The following IQGAP3 variants were observed in gnomAD, a reference collection of about 807,000 sequenced individuals.
The protein encoded by IQGAP3 is IQ motif containing GTPase activating protein 3.
A neutral mutation model predicts 208.2 loss-of-function variants in IQGAP3; 165 were observed. The ratio of observed to expected loss-of-function variants is 0.79; its 90% CI spans 0.70 to 0.90. The LOEUF (loss-of-function observed/expected upper bound fraction) is 0.90, where lower values mean the gene tolerates loss of function less well. IQGAP3 is among the 40% of genes least tolerant of loss of function. The pLI is 0.00. For missense variants in IQGAP3, 1,811 were observed against 2,043.1 expected, an observed-to-expected ratio of 0.89 and a Z score of 2.19; for synonymous variants, 703 against 803.6, an observed-to-expected ratio of 0.87 and a Z score of 2.12.
At chr1:156,557,916 C>T (rs1312122170) in intron 11 of IQGAP3, among the ~76,000 whole-genome samples, 1 of 8,462 alleles carries the variant, frequency 1.2e-4, no homozygotes, top group Non-Finnish European at 3.8e-4. Context: ...CCGCCCCGTC[C>T]GGGAGGGAGG....
chr1:156,563,254 GGT>G lies in IQGAP3; in HGVS notation c.676_677del (p.Thr226ProfsTer41). ...EAVERGVVED[T>X]LAALQNPSAL... ...CACTGGGATTCTGCAAGGCAGCCAG[GGT>G]GTCCTCCACCACCCCTCGCTCCACT... On this transcript the variant is annotated frameshift_variant, in exon 8 of 38. Transcript: ENST00000361170. LOFTEE classifies it high-confidence loss of function. The G allele has an allele frequency of 1.2e-6, 2 of 1,612,600 alleles. No homozygotes were observed. Among genetic ancestry groups the G allele is most frequent in the Non-Finnish European group, 8.5e-7 (1 of 1,178,802 alleles).
In IQGAP3 at chr1:156,528,034, G is replaced by C. The variant is rs561559322; in HGVS notation, c.4700C>G (p.Thr1567Arg). 2 of 1,613,910 alleles carry C rather than the reference G, an allele frequency of 1.2e-6. No homozygotes were observed. Among genetic ancestry groups the C allele is most frequent in the Admixed American group, 3.3e-5 (2 of 59,986 alleles). Reference sequence around the variant, plus strand: ...AAACTTTCCTGCCTCATCTCCCGGCGTGATGTCAAAGATGACGTTTCTGAA... The same window carrying C: ...AAACTTTCCTGCCTCATCTCCCGGCCTGATGTCAAAGATGACGTTTCTGAA... ...SHFRNVIFDI[T>R]PGDEAGKFEV... is the part of the protein sequence containing the mutation. Residue 1567 changes from threonine (T) to arginine (R), a missense_variant, in exon 37 of 38, where the codon ACG (threonine) becomes AGG (arginine). Thr to Arg is a moderately conservative substitution (Grantham distance 71). Transcript: ENST00000361170.
chr1:156,547,995 T>C, intron 19 of IQGAP3, 78 bp downstream of exon 19: 1 of 1,319,356 alleles, frequency 7.6e-7, no homozygotes, highest in Non-Finnish European at 1.0e-6. Flanking sequence ...CCCATGTCAG[T>C]AAAAAGGAAG....
In IQGAP3 at chr1:156,526,535, T is replaced by A; in HGVS notation, c.4847A>T (p.Asn1616Ile). Residue 1616 changes from asparagine to isoleucine, a missense_variant, in exon 38 of 38, where the codon AAT (asparagine) becomes ATT (isoleucine). By Grantham distance (149) the Asn-to-Ile change is moderately radical. Coordinates refer to ENST00000361170, the MANE Select transcript of IQGAP3 (RefSeq NM_178229.5). The stretch of plus-strand genomic sequence containing the variant: ...GAGGAGGAAGATGAGAAGGTTGACA[T>A]TGACTTTGGCCTTGTTGAAGAGTTT... ...VMKLFNKAKV[N>I]VNLLIFLLNK... The A allele has an allele frequency of 1.2e-6, 2 of 1,614,230 alleles. No individual in the cohort carries two copies. Among genetic ancestry groups the A allele is most frequent in the Non-Finnish European group, 1.7e-6 (2 of 1,180,038 alleles).
intron 27 of IQGAP3, among the ~76,000 whole-genome samples, chr1:156,536,642 AAAG>A (rs1384552916): frequency 6.6e-6 from 1 of 152,226 alleles, no homozygotes; most frequent in African/African-American, 2.4e-5. Context: ...TTCTCACCAA[AAAG>A]AAATAAATGT....
intron 29 of IQGAP3, 58 bp downstream of exon 29, chr1:156,534,443 G>C: frequency 1.6e-6 from 2 of 1,267,768 alleles, no homozygotes; most frequent in South Asian, 2.9e-5. Context: ...GGGGACAAGT[G>C]GGATGTCAAA....
intron 13 of IQGAP3, among the ~76,000 whole-genome samples, chr1:156,552,573 A>G (rs1244614636): frequency 2.0e-5 from 3 of 152,138 alleles, no homozygotes; most frequent in African/African-American, 7.2e-5. Context: ...CTTCTACCCC[A>G]TATCTATTAT....
At chr1:156,535,319 G>T in intron 27 of IQGAP3, 72 bp from the exon 28 acceptor site, 1 of 1,066,934 alleles carries the variant, frequency 9.4e-7, no homozygotes, top group Non-Finnish European at 1.4e-6. Flanking sequence ...AAGAGCTTGA[G>T]TGCCTGGCTG....
At position 156,537,253 on chromosome 1, in the gene IQGAP3, A is replaced by G; in HGVS notation, c.3350T>C (p.Ile1117Thr). 6.2e-7 allele frequency: 1 copy of G among 1,614,038 alleles called. No homozygotes were observed. The change falls in exon 27 of 38, where the codon ATC (isoleucine) becomes ACC (threonine). Residue 1117 changes from isoleucine (I) to threonine (T), a missense_variant. Coordinates refer to ENST00000361170, the MANE Select transcript of IQGAP3 (RefSeq NM_178229.5). ...SHPEVQRRLD[I>T]ALRNLLAMTD... ...CATGGCGAGGAGGTTGCGTAGGGCGATGTCCAGTCGTCTCTGGACCTCGGG... is the reference window on the plus strand; with the variant it reads ...CATGGCGAGGAGGTTGCGTAGGGCGGTGTCCAGTCGTCTCTGGACCTCGGG...
chr1:156,551,784 G>C lies in IQGAP3; in HGVS notation c.1655C>G (p.Ala552Gly). 1.9e-6 allele frequency: 3 copies of C among 1,614,094 alleles called. No homozygotes were observed. Among genetic ancestry groups the C allele is most frequent in the Non-Finnish European group, 2.5e-6 (3 of 1,180,016 alleles). Residue 552 changes from alanine to glycine, a missense_variant, in exon 15 of 38, where the codon GCT becomes GGT. By Grantham distance (60) the Ala-to-Gly change is moderately conservative. Coordinates refer to ENST00000361170, the MANE Select transcript of IQGAP3 (RefSeq NM_178229.5). ...AGGGAGGCTGACATCATCTAGGCCA[G>C]CTGCAGGAAGCAGTAGGGCAGACAG... ...KTLSALLLPA[A>G]GLDDVSLPVA...
At chr1:156,536,981 G>T in intron 27 of IQGAP3, 200 bp downstream of exon 27, 1 of 489,428 alleles carries the variant, frequency 2.0e-6, no homozygotes, top group Non-Finnish European at 3.6e-6. Context: ...ACACAGACTT[G>T]CACGCCGTCT....
intron 19 of IQGAP3, among the ~76,000 whole-genome samples, chr1:156,545,463 C>T (rs1415443364): frequency 6.6e-6 from 1 of 151,080 alleles, no homozygotes; most frequent in Non-Finnish European, 1.5e-5. Flanking sequence ...GTCCCTGAAC[C>T]TTTTATACTC....
chr1:156,540,172 A>G, intron 23 of IQGAP3, among the ~76,000 whole-genome samples, 182 bp from the exon 24 acceptor site: 1 of 152,076 alleles, frequency 6.6e-6, no homozygotes, highest in African/African-American at 2.4e-5. Context: ...CTGAGACTCC[A>G]TCTGTTTCCT....
Position 156,530,132 on chromosome 1 carries a change from G to A in IQGAP3, c.4377C>T (p.Tyr1459=), listed in dbSNP as rs771627762. The change falls in exon 34 of 38, where the codon TAC becomes TAT. Residue 1459 remains tyrosine, a synonymous_variant. Transcript: ENST00000361170. Reference sequence around the variant, plus strand: ...TGGCCAGCTCGTCCACTAGCCCCTGGTAGCCATTTCTGGCGCTGACCAACC... The same window carrying A: ...TGGCCAGCTCGTCCACTAGCCCCTGATAGCCATTTCTGGCGCTGACCAACC... ...ALGLVSARNG[Y]QGLVDELAKD... 8 of 1,607,000 alleles carry A rather than the reference G, an allele frequency of 5.0e-6. No homozygotes were observed. The highest frequency in any genetic ancestry group is 6.8e-6 in the Non-Finnish European group (8 of 1,176,928).
chr1:156,563,867 C>T (rs1396644523), intron 5 of IQGAP3, 43 bp from the exon 6 acceptor site: 1 of 1,525,820 alleles, frequency 6.6e-7, no homozygotes, highest in Non-Finnish European at 9.1e-7. Flanking sequence ...GGGGCCTATT[C>T]ATTTTGACAC....
In IQGAP3 at chr1:156,533,853, C is replaced by T. The variant is rs149436838; in HGVS notation, c.3896G>A (p.Cys1299Tyr). Reference protein sequence around the residue: ...THRLLLEHQDCIAPDHQDPLH... With the variant: ...THRLLLEHQDYIAPDHQDPLH... ...GGGGTCTTGGTGATCAGGGGCAATG[C>T]AGTCCTGGTGCTCCAGCAACAGCTG... The change falls in exon 31 of 38, where the codon TGC becomes TAC. Residue 1299 changes from cysteine (C) to tyrosine (Y), a missense_variant. Transcript: ENST00000361170. 6.8e-6 allele frequency: 11 copies of T among 1,611,482 alleles called. No homozygotes were observed. The highest frequency in any genetic ancestry group is 8.5e-6 in the Non-Finnish European group (10 of 1,178,680).
At position 156,550,282 on chromosome 1, in the gene IQGAP3, C is replaced by T. The variant is rs746417417; in HGVS notation, c.1804G>A (p.Asp602Asn). ...TTACTTCTCTGAGCTGTATTAGTGT[C>T]CTGGTTGGCTCTGACCACTCCCTGG... ...IRQGVVRANQ[D>N]TNTAQRMALG... is the part of the protein sequence containing the mutation. The change falls in exon 16 of 38, where the codon GAC becomes AAC. Residue 602 changes from aspartate to asparagine, a missense_variant. Coordinates refer to ENST00000361170, the MANE Select transcript of IQGAP3 (RefSeq NM_178229.5). The T allele has an allele frequency of 1.2e-6, 2 of 1,613,276 alleles. No homozygotes were observed. Among genetic ancestry groups the T allele is most frequent in the Non-Finnish European group, 1.7e-6 (2 of 1,179,350 alleles).
At position 156,526,278 on chromosome 1, in the gene IQGAP3, C is replaced by T. The variant is rs1024922157; in HGVS notation, c.*208G>A. The T allele has an allele frequency of 3.5e-6, 2 of 575,774 alleles. No individual in the cohort carries two copies. The highest frequency in any genetic ancestry group is 1.9e-5 in the African/African-American group (1 of 53,420). The allele number at this position is 575,774 out of a possible 1,614,324, so 35.7% of individuals were successfully genotyped here. On this transcript the variant is annotated 3_prime_UTR_variant, in exon 38 of 38. Coordinates refer to ENST00000361170, the MANE Select transcript of IQGAP3 (RefSeq NM_178229.5). ...GCATGATAAAAGCCACACAGCTGGACTCTGGGCAAGGCCCACTTTAGCCAA... is the reference window on the plus strand; with the variant it reads ...GCATGATAAAAGCCACACAGCTGGATTCTGGGCAAGGCCCACTTTAGCCAA...
intron 19 of IQGAP3, among the ~76,000 whole-genome samples, chr1:156,547,358 A>AACACACAG (rs1309626492): frequency 6.9e-6 from 1 of 145,608 alleles, no homozygotes; most frequent in Non-Finnish European, 1.5e-5. Context: ...TGTCTTACTA[A>AACACACAG]ACACACAGAC....
Sources: allele counts gnomAD v4.1 joint callset (sites outside exome capture counted in the v4.1 genomes callset), GRCh38; gene constraint gnomAD v4.1.1; transcripts MANE v1.5; gene names NCBI Gene and HGNC (gene_info 2026-07-23, HGNC 2026-07-21).